Variants in MLC1 observed in about 807,000 individuals in gnomAD.
MLC1 encodes the protein membrane protein MLC1.
MLC1 carries 32 observed loss-of-function variants against 44.7 expected under a neutral mutation model. That is an observed-to-expected ratio of 0.72 (90% CI 0.54 to 0.96). MLC1 has a LOEUF of 0.96. Among genes scored for constraint, MLC1 ranks in the 40% least tolerant of loss-of-function variants. The pLI, the probability that MLC1 is intolerant of heterozygous loss-of-function variation, is 0.00. For synonymous variants in MLC1, 190 were observed against 213.0 expected (o/e 0.89, Z 0.94); for missense variants, 459 against 492.2 (o/e 0.93, Z 0.64).
In MLC1 at chr22:50,064,022, C is replaced by T. The variant is rs200229098; in HGVS notation, c.1059+12G>A. The T allele has an allele frequency of 4.4e-6, 7 of 1,591,142 alleles. No individual in the cohort carries two copies. Among genetic ancestry groups the T allele is most frequent in the Middle Eastern group, 2.0e-4 (1 of 4,966 alleles). ...ACCTCCCCAGTGCCCCCTCCCCCTG[C>T]AGGCCACTCACCTCCCCAGCCAGGC... On this transcript the variant is annotated intron_variant, in intron 11 of 11. Coordinates refer to ENST00000311597, the MANE Select transcript of MLC1 (RefSeq NM_015166.4).
rs773786209 is a variant in MLC1 at position 50,070,548 on chromosome 22, T to C, written c.750A>G (p.Ala250=). ...FPSAIASHVA[A]ECPSKCLVEV... ...CCACCAGACACTTGCTGGGACACTC[T>C]GCTGCCACATGACTGGCAATGGCAC... Residue 250 remains alanine (A), a synonymous_variant, in exon 9 of 12, where the codon GCA becomes GCG. Coordinates refer to ENST00000311597, the MANE Select transcript of MLC1 (RefSeq NM_015166.4). 1.2e-5 allele frequency: 18 copies of C among 1,564,818 alleles called. No individual in the cohort carries two copies. Among genetic ancestry groups the C allele is most frequent in the Non-Finnish European group, 1.6e-5 (18 of 1,153,914 alleles).
chr22:50,083,100 C>A lies in MLC1; in HGVS notation c.251G>T (p.Arg84Leu), dbSNP rs1425784992. 1 of 1,614,044 alleles carries A rather than the reference C, an allele frequency of 6.2e-7. No individual in the cohort carries two copies. Among genetic ancestry groups the A allele is most frequent in the Non-Finnish European group, 8.5e-7 (1 of 1,180,014 alleles). ...NVFPAEMDYL[R>L]CAAGSCIPSA... ...GCTGCTTACAGAGCCTGCAGCACAG[C>A]GCAAGTAATCCATCTCAGCCGGGAA... Residue 84 changes from arginine to leucine, a missense_variant, in exon 3 of 12, where the codon CGC (arginine) becomes CTC (leucine). Coordinates refer to ENST00000311597, the MANE Select transcript of MLC1 (RefSeq NM_015166.4). The surrounding 1 kb of genome is among the most constrained non-coding windows in gnomAD (Gnocchi z 4.6).
intron 5 of MLC1, 77 bp from the exon 6 acceptor site, chr22:50,077,579 C>T (rs2062016587): frequency 4.0e-5 from 49 of 1,222,636 alleles, no homozygotes; most frequent in Non-Finnish European, 5.6e-5. Context: ...ACCGGACCAC[C>T]TCACGGGCAG....
chr22:50,063,849 T>A (rs866290750), intron 11 of MLC1, among the ~76,000 whole-genome samples, 185 bp downstream of exon 11: 7 of 39,996 alleles, frequency 1.8e-4, no homozygotes, highest in Non-Finnish European at 1.9e-4. Flanking sequence ...TGGGCACCCC[T>A]GTGGGCTACT....
Position 50,076,908 on chromosome 22 carries a change from G to T in MLC1, c.530C>A (p.Ser177Tyr), listed in dbSNP as rs769729417. The T allele has an allele frequency of 1.4e-5, 22 of 1,613,922 alleles. No individual in the cohort carries two copies. Among genetic ancestry groups the T allele is most frequent in the Non-Finnish European group, 1.8e-5 (21 of 1,179,866 alleles). ...CAGAATGTTGGCGCTGTCAGACATG[G>T]AGCCCTACGAAGAAACAGAACTGTC... is the stretch of plus-strand genomic sequence containing the variant. ...SEEDCKKKKG[S>Y]MSDSANILDE... The change falls in exon 7 of 12, where the codon TCC (serine) becomes TAC (tyrosine). Residue 177 changes from serine to tyrosine, a missense_variant. Physicochemically the swap from Ser to Tyr is moderately radical, Grantham distance 144. Coordinates refer to ENST00000311597, the MANE Select transcript of MLC1 (RefSeq NM_015166.4).
rs2062186870 is a variant in MLC1 at position 50,083,095 on chromosome 22, C to G, written c.256G>C (p.Ala86Pro). 1 of 1,614,070 alleles carries G rather than the reference C, an allele frequency of 6.2e-7. No homozygotes were observed. Among genetic ancestry groups the G allele is most frequent in the Middle Eastern group, 1.7e-4 (1 of 6,060 alleles). ...FPAEMDYLRC[A>P]AGSCIPSAIV... Reference sequence around the variant, plus strand: ...AGGAAGCTGCTTACAGAGCCTGCAGCACAGCGCAAGTAATCCATCTCAGCC... The same window carrying G: ...AGGAAGCTGCTTACAGAGCCTGCAGGACAGCGCAAGTAATCCATCTCAGCC... The change falls in exon 3 of 12, where the codon GCT becomes CCT. Residue 86 changes from alanine (A) to proline (P), a missense_variant. Coordinates refer to ENST00000311597, the MANE Select transcript of MLC1 (RefSeq NM_015166.4). The surrounding 1 kb of genome is among the most constrained non-coding windows in gnomAD (Gnocchi z 4.6).
chr22:50,062,015 C>A (rs981193307), intron 11 of MLC1, among the ~76,000 whole-genome samples: 1 of 152,164 alleles, frequency 6.6e-6, no homozygotes, highest in Admixed American at 6.5e-5. Context: ...GCAGAGGTAA[C>A]CAGATGCCTC....
intron 10 of MLC1, among the ~76,000 whole-genome samples, chr22:50,067,430 TGTCAGGCAGTGACTCCATCCCCC>T (rs2061729175): frequency 2.6e-4 from 13 of 50,424 alleles, no homozygotes; most frequent in Non-Finnish European, 2.9e-4. Context: ...CTCTATCCCC[TGTCAGGCAGTGACTCCATCCCCC>T]GTCAGGCAGT....
At chr22:50,065,889 T>G (rs2061691749) in intron 10 of MLC1, among the ~76,000 whole-genome samples, 1 of 151,960 alleles carries the variant, frequency 6.6e-6, no homozygotes, top group African/African-American at 2.4e-5. Context: ...CACGGAGGAG[T>G]TATTTATAGT....
At chr22:50,066,035 G>A (rs972034843) in intron 10 of MLC1, among the ~76,000 whole-genome samples, 1 of 152,072 alleles carries the variant, frequency 6.6e-6, no homozygotes, top group Non-Finnish European at 1.5e-5. Context: ...AAATTATTAA[G>A]TTTAAAAAAA....
At position 50,076,917 on chromosome 22, in the gene MLC1, G is replaced by A. The variant is rs374146249; in HGVS notation, c.526-5C>T. The A allele has an allele frequency of 6.8e-6, 11 of 1,613,814 alleles. No individual in the cohort carries two copies. Among genetic ancestry groups the A allele is most frequent in the East Asian group, 2.2e-5 (1 of 44,894 alleles). On this transcript the variant is annotated splice_polypyrimidine_tract_variant and splice_region_variant and intron_variant, in intron 6 of 11. Transcript: ENST00000311597. Reference sequence around the variant, plus strand: ...GGCGCTGTCAGACATGGAGCCCTACGAAGAAACAGAACTGTCACCCCGGGT... The same window carrying A: ...GGCGCTGTCAGACATGGAGCCCTACAAAGAAACAGAACTGTCACCCCGGGT...
rs2072874 is a variant in MLC1 at position 50,077,379 on chromosome 22, C to T, written c.525+22G>A. ...TGATGCCTCTGCACCCCCTGCCCTG[C>T]GGGGTCAGAAGCTGCACCCACCTTC... On this transcript the variant is annotated intron_variant, in intron 6 of 11. Transcript: ENST00000311597. 231,643 of 1,602,054 alleles carry T rather than the reference C, an allele frequency of 0.14. 17,733 individuals are homozygous for T. The highest frequency in any genetic ancestry group is 0.27 in the Admixed American group (15,946 of 59,798).
In MLC1 at chr22:50,066,630, A is replaced by C. The variant is rs2061707769; in HGVS notation, c.894+1803T>G. ...AGCCAAGACTGTGCCACTGCACTCC[A>C]GCCTGGGAGACAGAGTGAGACTCTA... On this transcript the variant is annotated intron_variant, in intron 10 of 11. Transcript: ENST00000311597. 3.3e-5 allele frequency among the ~76,000 whole-genome samples: 5 copies of C among 151,832 alleles called. No homozygotes were observed. The South Asian group carries it at 1.0e-3, about 32-fold the overall frequency.
intron 3 of MLC1, among the ~76,000 whole-genome samples, chr22:50,082,720 AG>A (rs1164602122): frequency 1.3e-5 from 2 of 152,132 alleles, no homozygotes; most frequent in Non-Finnish European, 2.9e-5. Flanking sequence ...GCTGGAGTGC[AG>A]TGGCACAATC....
intron 10 of MLC1, among the ~76,000 whole-genome samples, chr22:50,065,476 G>A (rs1042660995): frequency 2.0e-5 from 3 of 152,118 alleles, no homozygotes; most frequent in South Asian, 2.1e-4. Context: ...AGAAATAGCC[G>A]CCAGGCTGAG....
Position 50,080,020 on chromosome 22 carries a change from C to T in MLC1, c.322-1G>A. 1 of 1,610,230 alleles carries T rather than the reference C, an allele frequency of 6.2e-7. No individual in the cohort carries two copies. The highest frequency in any genetic ancestry group is 8.5e-7 in the Non-Finnish European group (1 of 1,176,424). ...CAAACAATATCTGAAAGTTGGGAAT[C>T]TGAAAAACAAGGCAGGAGGGGTTTT... is the stretch of plus-strand genomic sequence containing the variant. On this transcript the variant is annotated splice_acceptor_variant, in intron 4 of 11. Coordinates refer to ENST00000311597, the MANE Select transcript of MLC1 (RefSeq NM_015166.4). LOFTEE classifies it high-confidence loss of function.
Position 50,064,016 on chromosome 22 carries a change from C to T in MLC1, c.1059+18G>A, listed in dbSNP as rs1292558205. ...CCACTCACCTCCCCAGTGCCCCCTC[C>T]CCCTGCAGGCCACTCACCTCCCCAG... On this transcript the variant is annotated intron_variant, in intron 11 of 11. Coordinates refer to ENST00000311597, the MANE Select transcript of MLC1 (RefSeq NM_015166.4). The T allele has an allele frequency of 2.1e-6, 3 of 1,456,552 alleles. No individual in the cohort carries two copies. The highest frequency in any genetic ancestry group is 2.0e-5 in the Admixed American group (1 of 49,882). 90.2% of individuals were successfully genotyped at this position (1,456,552 alleles called of 1,614,324 possible). A position where few individuals can be genotyped will look rare whatever the true frequency, so the allele number is the denominator to read the frequency against.
At chr22:50,082,729 A>G (rs915016279) in intron 3 of MLC1, among the ~76,000 whole-genome samples, 1 of 152,180 alleles carries the variant, frequency 6.6e-6, no homozygotes, top group Admixed American at 6.5e-5. Flanking sequence ...CAGTGGCACA[A>G]TCTGGGCTCA....
intron 5 of MLC1, among the ~76,000 whole-genome samples, chr22:50,078,694 G>A (rs911924682): frequency 1.3e-5 from 2 of 150,518 alleles, no homozygotes; most frequent in African/African-American, 4.9e-5. Context: ...AGCCGAGATG[G>A]AGCCACTGCA....
Sources: gnomAD v4.1 joint callset for allele counts (sites outside exome capture counted in the v4.1 genomes callset) on GRCh38, gnomAD v4.1.1 for gene constraint, Gnocchi (gnomAD v3.1) non-coding constraint, MANE v1.5 for transcripts, NCBI Gene and HGNC (gene_info 2026-07-23, HGNC 2026-07-21) for gene names.